GABBR1: variants seen among roughly 807,000 people sequenced by gnomAD.
GABBR1 encodes the protein GABA-B receptor, R1 subunit.
A neutral mutation model predicts 117.7 loss-of-function variants in GABBR1; 35 were observed. The observed-to-expected ratio is 0.30, with a 90% CI of 0.23 to 0.39. The LOEUF is 0.39. Ranked by LOEUF, GABBR1 falls within the 10% of genes least tolerant of loss-of-function variation. The pLI, the probability that GABBR1 is intolerant of heterozygous loss-of-function variation, is 1.00. For missense variants in GABBR1, 709 were observed against 1,241.8 expected (o/e 0.57, Z 6.45); for synonymous variants, 442 against 486.6 (o/e 0.91, Z 1.21).
chr6:29,632,703 C>A lies in GABBR1; in HGVS notation c.-1+147G>T. ...TTACCCACGCTCCCGGCATCGGCCG[C>A]CTCAGCGCTCCCCGATTCCATCCCC... On this transcript the variant is annotated intron_variant, in intron 1 of 22. Transcript: ENST00000377034. The surrounding 1 kb of genome is among the most constrained non-coding windows in gnomAD (Gnocchi z 5.8). The A allele has an allele frequency of 7.2e-7, 1 of 1,398,092 alleles. No individual in the cohort carries two copies. The highest frequency in any genetic ancestry group is 3.8e-5 in the East Asian group (1 of 26,564). 86.6% of individuals were successfully genotyped at this position (1,398,092 alleles called of 1,614,324 possible).
At chr6:29,612,310 C>T (rs1438263087) in intron 13 of GABBR1, among the ~76,000 whole-genome samples, 1 of 152,120 alleles carries the variant, frequency 6.6e-6, no homozygotes, top group Non-Finnish European at 1.5e-5. Context: ...GCCACCACAC[C>T]CAGCCTGCAC....
rs1157396963 is a variant in GABBR1 at position 29,604,836 on chromosome 6, G to A, written c.2568+24C>T. On this transcript the variant is annotated intron_variant, in intron 21 of 22. Transcript: ENST00000377034. This position sits in a 1 kb window ranked among gnomAD's most constrained non-coding sequence, Gnocchi z 5.3. ...TGGAGGGAACATGGGAACAAAGAGG[G>A]TGGGAGAAAAGCCAGATCCTTACCT... The A allele has an allele frequency of 6.2e-7, 1 of 1,608,098 alleles. No homozygotes were observed. Among genetic ancestry groups the A allele is most frequent in the African/African-American group, 1.3e-5 (1 of 74,808 alleles).
intron 11 of GABBR1, among the ~76,000 whole-genome samples, chr6:29,617,629 G>A (rs1247337448): frequency 6.6e-6 from 1 of 152,134 alleles, no homozygotes; most frequent in Non-Finnish European, 1.5e-5. Context: ...TGACTCTGAG[G>A]CATTTTTAAT....
Position 29,632,594 on chromosome 6 carries a change from G to A in GABBR1, c.1-209C>T, listed in dbSNP as rs1765121307. 5 of 1,106,806 alleles carry A rather than the reference G, an allele frequency of 4.5e-6. No homozygotes were observed. The South Asian group carries it at 8.2e-5, about 18-fold the overall frequency. 68.6% of individuals were successfully genotyped at this position (1,106,806 alleles called of 1,614,324 possible). On this transcript the variant is annotated intron_variant, in intron 1 of 22. Coordinates refer to ENST00000377034, the MANE Select transcript of GABBR1 (RefSeq NM_001470.4). The surrounding 1 kb of genome is among the most constrained non-coding windows in gnomAD (Gnocchi z 5.8). ...GAAAGCCTGTCCCCACCCTCCTCCT[G>A]CCTCCCTCGGCCCCCAACCCTCCCG...
chr6:29,625,471 T>C (rs1021397432), intron 6 of GABBR1, among the ~76,000 whole-genome samples: 3 of 152,118 alleles, frequency 2.0e-5, no homozygotes, highest in African/African-American at 7.2e-5. Context: ...CTTGCAACCG[T>C]TTCCCTCTTC....
intron 11 of GABBR1, among the ~76,000 whole-genome samples, chr6:29,616,305 G>A (rs1763096576): frequency 6.6e-6 from 1 of 152,032 alleles, no homozygotes; most frequent in Admixed American, 6.6e-5. Context: ...TTGAACCCAG[G>A]AGGCGGAGGT....
At position 29,630,198 on chromosome 6, in the gene GABBR1, C is replaced by T. The variant is rs1448003467; in HGVS notation, c.475+260G>A. 4.7e-6 allele frequency: 2 copies of T among 424,818 alleles called. No homozygotes were observed. The highest frequency in any genetic ancestry group is 6.6e-5 in the East Asian group (2 of 30,156). 26.3% of individuals were successfully genotyped at this position (424,818 alleles called of 1,614,324 possible). On this transcript the variant is annotated intron_variant, in intron 4 of 22. Transcript: ENST00000377034. The surrounding 1 kb of genome is among the most constrained non-coding windows in gnomAD (Gnocchi z 4.9). Reference sequence around the variant, plus strand: ...GAGATTCATAAAGGAAAAGAGAAAACGTGAGGTCTAAGAATCGGGAGCAGG... The same window carrying T: ...GAGATTCATAAAGGAAAAGAGAAAATGTGAGGTCTAAGAATCGGGAGCAGG...
chr6:29,630,732 TC>T lies in GABBR1; in HGVS notation c.290-90del. 2 of 1,007,852 alleles carry T rather than the reference TC, an allele frequency of 2.0e-6. No individual in the cohort carries two copies. Among genetic ancestry groups the T allele is most frequent in the Non-Finnish European group, 2.9e-6 (2 of 681,040 alleles). 62.4% of individuals were successfully genotyped at this position (1,007,852 alleles called of 1,614,324 possible). A position where few individuals can be genotyped will look rare whatever the true frequency, so the allele number is the denominator to read the frequency against. ...CAGGGGACTCAGGTGCAGGTTTGGG[TC>T]CACAAGCATCCTGCTCTAAAGAAAA... On this transcript the variant is annotated intron_variant, in intron 3 of 22. Coordinates refer to ENST00000377034, the MANE Select transcript of GABBR1 (RefSeq NM_001470.4). This position sits in a 1 kb window ranked among gnomAD's most constrained non-coding sequence, Gnocchi z 4.9.
rs554252806 is a variant in GABBR1, at chr6:29,612,709, A to C, written c.1567-95T>G. On this transcript the variant is annotated intron_variant, in intron 12 of 22. Coordinates refer to ENST00000377034, the MANE Select transcript of GABBR1 (RefSeq NM_001470.4). ...CTTTAAATCCTTCTGTTTTTGATGTAATTGAGCCTCTGAATGAATGCTATT... is the reference window on the plus strand; with the variant it reads ...CTTTAAATCCTTCTGTTTTTGATGTCATTGAGCCTCTGAATGAATGCTATT... 3 of 1,087,150 alleles carry C rather than the reference A, an allele frequency of 2.8e-6. No individual in the cohort carries two copies. The East Asian group carries it at 7.1e-5, about 26-fold the overall frequency. 67.3% of individuals were successfully genotyped at this position (1,087,150 alleles called of 1,614,324 possible). A position where few individuals can be genotyped will look rare whatever the true frequency, so the allele number is the denominator to read the frequency against.
rs1169509587 is a variant in GABBR1 at position 29,620,993 on chromosome 6, C to T, written c.1323+108G>A. On this transcript the variant is annotated intron_variant, in intron 11 of 22. Coordinates refer to ENST00000377034, the MANE Select transcript of GABBR1 (RefSeq NM_001470.4). This position sits in a 1 kb window ranked among gnomAD's most constrained non-coding sequence, Gnocchi z 4.5. ...AGGGTGGGCACAGCCCCCTCTTCTCCTTTATATCCAAATTCCGCACCCTCT... is the reference window on the plus strand; with the variant it reads ...AGGGTGGGCACAGCCCCCTCTTCTCTTTTATATCCAAATTCCGCACCCTCT... 2.2e-6 allele frequency: 2 copies of T among 905,676 alleles called. No homozygotes were observed. The highest frequency in any genetic ancestry group is 1.7e-5 in the South Asian group (1 of 59,944). The allele number at this position is 905,676 out of a possible 1,614,324, so 56.1% of individuals were successfully genotyped here.
rs29245 is a variant in GABBR1, at chr6:29,622,820, C to T, written c.963+485G>A. Among the ~76,000 whole-genome samples the T allele has an allele frequency of 0.097, 14,729 of 151,874 alleles. 843 individuals are homozygous for T. The highest frequency in any genetic ancestry group is 0.21 in the Middle Eastern group (62 of 294). The stretch of plus-strand genomic sequence containing the variant: ...ACCAACTACCAGATCCATGCAGCTG[C>T]CTTTCTGCCCCTCTCTCTCCTCTCC... On this transcript the variant is annotated intron_variant, in intron 8 of 22. Coordinates refer to ENST00000377034, the MANE Select transcript of GABBR1 (RefSeq NM_001470.4). The surrounding 1 kb of genome is among the most constrained non-coding windows in gnomAD (Gnocchi z 4.6).
chr6:29,627,719 C>T lies in GABBR1; in HGVS notation c.497-73G>A. 1 of 1,522,384 alleles carries T rather than the reference C, an allele frequency of 6.6e-7. No individual in the cohort carries two copies. The allele number at this position is 1,522,384 out of a possible 1,614,324, so 94.3% of individuals were successfully genotyped here. A position where few individuals can be genotyped will look rare whatever the true frequency, so the allele number is the denominator to read the frequency against. Reference sequence around the variant, plus strand: ...GGGGAGTGGGAGGCCCACACCGGAGCCACCCCTGCCGCCATCACAACCAGA... The same window carrying T: ...GGGGAGTGGGAGGCCCACACCGGAGTCACCCCTGCCGCCATCACAACCAGA... On this transcript the variant is annotated intron_variant, in intron 5 of 22. Transcript: ENST00000377034. The surrounding 1 kb of genome is among the most constrained non-coding windows in gnomAD (Gnocchi z 4.4).
In GABBR1 at chr6:29,632,486, C is replaced by G; in HGVS notation, c.1-101G>C. On this transcript the variant is annotated intron_variant, in intron 1 of 22. Transcript: ENST00000377034. This position sits in a 1 kb window ranked among gnomAD's most constrained non-coding sequence, Gnocchi z 5.8. ...TGCCGGTTGCCTCGCAGGCTCCGAC[C>G]GGGCTCAGCCTGGGGACCAAGAGAG... 9.2e-7 allele frequency: 1 copy of G among 1,083,514 alleles called. No homozygotes were observed. 67.1% of individuals were successfully genotyped at this position (1,083,514 alleles called of 1,614,324 possible).
intron 5 of GABBR1, among the ~76,000 whole-genome samples, chr6:29,628,766 G>A (rs1764639738): frequency 6.6e-6 from 1 of 152,094 alleles, no homozygotes; most frequent in South Asian, 2.1e-4. Context: ...GGGAAAACGT[G>A]GTGGGAGCTC....
chr6:29,623,114 C>CA lies in GABBR1; in HGVS notation c.963+190dup, dbSNP rs1457749332. Among the ~76,000 whole-genome samples, 92 of 152,280 alleles carry CA rather than the reference C, an allele frequency of 6.0e-4. No homozygotes were observed. Among genetic ancestry groups the CA allele is most frequent in the Non-Finnish European group, 2.9e-4 (20 of 68,024 alleles). On this transcript the variant is annotated intron_variant, in intron 8 of 22. Transcript: ENST00000377034. This position sits in a 1 kb window ranked among gnomAD's most constrained non-coding sequence, Gnocchi z 6.2. ...GAAAAAAATCATAAAATCATAAAGA[C>CA]AGAGAGGATCCCAAAAACTCAACTC...
chr6:29,606,381 T>A lies in GABBR1; in HGVS notation c.2311+10A>T, dbSNP rs775810437. The A allele has an allele frequency of 3.7e-6, 6 of 1,605,618 alleles. No individual in the cohort carries two copies. In the Admixed American group the frequency reaches 8.3e-5, roughly 22 times the overall value. On this transcript the variant is annotated intron_variant, in intron 19 of 22. Transcript: ENST00000377034. This position sits in a 1 kb window ranked among gnomAD's most constrained non-coding sequence, Gnocchi z 4.5. ...GCATCCCTGCCCTCCTTTGCCCACA[T>A]CCCACACACCAAGCCATGTATTCAT...
chr6:29,609,376 C>G lies in GABBR1; in HGVS notation c.1712G>C (p.Gly571Ala), dbSNP rs775806660. 1 of 1,612,730 alleles carries G rather than the reference C, an allele frequency of 6.2e-7. No individual in the cohort carries two copies. The highest frequency in any genetic ancestry group is 1.1e-5 in the South Asian group (1 of 91,054). ...CAGGGTCTGGTCAGCTGGGGGGGACCCTCCTGCATGGCACAGGGGAGGAAG... is the reference window on the plus strand; with the variant it reads ...CAGGGTCTGGTCAGCTGGGGGGGACGCTCCTGCATGGCACAGGGGAGGAAG... ...SWSKTDKWIG[G>A]SPPADQTLVI... is the part of the protein sequence containing the mutation. The change falls in exon 15 of 23, where the codon GGG (glycine) becomes GCG (alanine). Residue 571 changes from glycine to alanine, a missense_variant. Gly to Ala is a moderately conservative substitution (Grantham distance 60). Around this residue, in one of 9 missense-constraint regions of GABBR1, gnomAD observed 251 missense variants for 445.3 expected, o/e 0.56. Coordinates refer to ENST00000377034, the MANE Select transcript of GABBR1 (RefSeq NM_001470.4). This position sits in a 1 kb window ranked among gnomAD's most constrained non-coding sequence, Gnocchi z 4.3.
intron 6 of GABBR1, among the ~76,000 whole-genome samples, chr6:29,626,506 G>GA (rs955684709): frequency 6.0e-5 from 9 of 151,120 alleles, no homozygotes; most frequent in Admixed American, 2.0e-4. Flanking sequence ...AGAGGGGTGG[G>GA]AAAAAAAACC....
At chr6:29,608,466 G>T in intron 16 of GABBR1, 135 bp downstream of exon 16, 1 of 893,444 alleles carries the variant, frequency 1.1e-6, no homozygotes, top group Non-Finnish European at 1.7e-6. Context: ...GAGGGGTGAT[G>T]CTAGAAGGAA....
Sources: gnomAD v4.1 joint callset for allele counts (sites outside exome capture counted in the v4.1 genomes callset) on GRCh38, gnomAD v4.1.1 for gene constraint, gnomAD v4.1.1 regional missense constraint, Gnocchi (gnomAD v3.1) non-coding constraint, MANE v1.5 for transcripts, NCBI Gene and HGNC (gene_info 2026-07-23, HGNC 2026-07-21) for gene names.